Variants in TAS2R1 observed in about 807,000 individuals in gnomAD.
The protein encoded by TAS2R1 is taste 2 receptor member 1, also known as taste receptor type 2 member 1.
For missense variants in TAS2R1, 370 were observed against 353.4 expected (o/e 1.05, Z -0.38); for synonymous variants, 141 against 134.2 (o/e 1.05, Z -0.35).
intron 1 of TAS2R1, among the ~76,000 whole-genome samples, chr5:9,664,840 G>A (rs1478318726): frequency 6.6e-6 from 1 of 152,026 alleles, no homozygotes; most frequent in Non-Finnish European, 1.5e-5. Context: ...CTATGTTTCG[G>A]GCACCATGAT....
intron 1 of TAS2R1, chr5:9,659,915 A>G (rs977867680): frequency 6.6e-6 from 1 of 152,174 alleles, no homozygotes; most frequent in Admixed American, 6.5e-5. Flanking sequence ...CTGAGCCCCG[A>G]GCTCACCAGT....
At chr5:9,823,138 G>A in the TAS2R1 span, among the ~76,000 whole-genome samples, 9,872 of 151,450 alleles carry the variant, frequency 0.065, 386 homozygotes, top group East Asian at 0.2. Context: ...TTATATAAAA[G>A]TATATTTTTC....
the TAS2R1 span, among the ~76,000 whole-genome samples, chr5:9,871,684 C>T: frequency 8.1e-3 from 1,241 of 152,334 alleles, 18 homozygotes; most frequent in African/African-American, 0.029. Context: ...ATTATCTCAT[C>T]TGTCCAAAAT....
At chr5:9,848,850 T>C in the TAS2R1 span, among the ~76,000 whole-genome samples, 1 of 152,220 alleles carries the variant, frequency 6.6e-6, no homozygotes, top group South Asian at 2.1e-4. Context: ...GGTGTTTGTG[T>C]TTTTGCCTGC....
At chr5:9,719,932 A>AAAC in the TAS2R1 span, among the ~76,000 whole-genome samples, 2 of 140,884 alleles carry the variant, frequency 1.4e-5, no homozygotes, top group African/African-American at 5.4e-5. Flanking sequence ...AAAAAAAAAA[A>AAAC]AAAAAACAAA....
the TAS2R1 span, among the ~76,000 whole-genome samples, chr5:9,839,610 T>C: frequency 6.6e-6 from 1 of 152,210 alleles, no homozygotes; most frequent in African/African-American, 2.4e-5. Context: ...AAGTACAAAG[T>C]GACTCAAAGC....
intron 2 of TAS2R1, among the ~76,000 whole-genome samples, chr5:9,655,223 T>A (rs912773211): frequency 6.6e-6 from 1 of 152,208 alleles, no homozygotes; most frequent in African/African-American, 2.4e-5. Flanking sequence ...TACATTTTGA[T>A]TGTAATCATG....
At chr5:9,721,107 T>C in the TAS2R1 span, among the ~76,000 whole-genome samples, 1 of 152,210 alleles carries the variant, frequency 6.6e-6, no homozygotes, top group African/African-American at 2.4e-5. Context: ...TCAAGCCTTT[T>C]TTTTGGCAAA....
chr5:9,764,184 T>C, the TAS2R1 span, among the ~76,000 whole-genome samples: 1 of 152,208 alleles, frequency 6.6e-6, no homozygotes, highest in Non-Finnish European at 1.5e-5. Context: ...AAATTCACAA[T>C]TGTTTTTCCC....
At chr5:9,656,498 G>A (rs1421804700) in intron 2 of TAS2R1, among the ~76,000 whole-genome samples, 1 of 152,164 alleles carries the variant, frequency 6.6e-6, no homozygotes, top group Non-Finnish European at 1.5e-5. Context: ...CCTAAAGCAG[G>A]AGAAGATCAA....
At chr5:9,770,395 T>G in the TAS2R1 span, among the ~76,000 whole-genome samples, 75 of 152,292 alleles carry the variant, frequency 4.9e-4, no homozygotes, top group African/African-American at 1.7e-3. Flanking sequence ...TTGGCTATTT[T>G]GGGTCTTTTG....
At chr5:9,880,713 C>T in the TAS2R1 span, among the ~76,000 whole-genome samples, 2 of 152,136 alleles carry the variant, frequency 1.3e-5, no homozygotes, top group Non-Finnish European at 2.9e-5. Context: ...ACAACAGACG[C>T]TGGGATACTA....
chr5:9,684,367 T>C (rs1015830532), intron 1 of TAS2R1, among the ~76,000 whole-genome samples: 2 of 151,918 alleles, frequency 1.3e-5, no homozygotes, highest in Non-Finnish European at 2.9e-5. Flanking sequence ...AGAAGTAGAG[T>C]AGAATTGTGG....
the TAS2R1 span, among the ~76,000 whole-genome samples, chr5:9,793,614 A>C: frequency 6.6e-6 from 1 of 152,228 alleles, no homozygotes; most frequent in Admixed American, 6.5e-5. Flanking sequence ...GTCAAGGACC[A>C]GGCCTGCAGT....
chr5:9,640,887 A>T (rs1328877655), intron 2 of TAS2R1, among the ~76,000 whole-genome samples: 1 of 152,224 alleles, frequency 6.6e-6, no homozygotes, highest in Non-Finnish European at 1.5e-5. Flanking sequence ...CCACTTAGAA[A>T]GACAGTCATT....
At chr5:9,779,090 C>T in the TAS2R1 span, among the ~76,000 whole-genome samples, 9 of 152,172 alleles carry the variant, frequency 5.9e-5, no homozygotes, top group Non-Finnish European at 2.9e-5. Flanking sequence ...GTGTTTGGGC[C>T]ATGGTGGCAT....
chr5:9,768,030 G>C, the TAS2R1 span, among the ~76,000 whole-genome samples: 30 of 151,094 alleles, frequency 2.0e-4, no homozygotes, highest in African/African-American at 7.1e-4. Flanking sequence ...TCCTGAGGCC[G>C]ACAGGCATGA....
At chr5:9,722,796 GC>G in the TAS2R1 span, among the ~76,000 whole-genome samples, 1 of 152,202 alleles carries the variant, frequency 6.6e-6, no homozygotes, top group African/African-American at 2.4e-5. Context: ...CCATACTGTT[GC>G]CAAGGCTGAA....
the TAS2R1 span, among the ~76,000 whole-genome samples, chr5:9,743,660 T>A: frequency 6.6e-6 from 1 of 152,186 alleles, no homozygotes; most frequent in Admixed American, 6.5e-5. Context: ...TGCATAAACA[T>A]GAATATTTTA....
Sources: gnomAD v4.1 joint callset for allele counts (sites outside exome capture counted in the v4.1 genomes callset) on GRCh38, gnomAD v4.1.1 for gene constraint, MANE v1.5 for transcripts, NCBI Gene and HGNC (gene_info 2026-07-23, HGNC 2026-07-21) for gene names.